MAX: variants seen among roughly 807,000 people sequenced by gnomAD.
MAX encodes MYC associated transcriptional regulator X.
Under a neutral mutation model 22.3 loss-of-function variants are expected in MAX, and 3 were observed. The ratio of observed to expected loss-of-function variants is 0.13; its 90% CI spans 0.06 to 0.35. The LOEUF (loss-of-function observed/expected upper bound fraction) is 0.35, where lower values mean the gene tolerates loss of function less well. Among genes scored for constraint, MAX ranks in the 10% least tolerant of loss-of-function variants. The pLI, the probability that MAX is intolerant of heterozygous loss-of-function variation, is 1.00. For synonymous variants in MAX, 72 were observed against 77.7 expected (o/e 0.93, Z 0.39); for missense variants, 119 against 209.4 (o/e 0.57, Z 2.66).
chr14:65,008,845 A>C (rs1054441805), intron 3 of MAX, among the ~76,000 whole-genome samples: 2 of 152,190 alleles, frequency 1.3e-5, no homozygotes, highest in African/African-American at 4.8e-5. Context: ...TACCCAGTAC[A>C]CATAGATGTG....
intron 3 of MAX, among the ~76,000 whole-genome samples, chr14:65,018,727 T>G (rs1418454339): frequency 2.7e-5 from 4 of 150,450 alleles, no homozygotes; most frequent in Non-Finnish European, 5.9e-5. Flanking sequence ...GGAGAATTGC[T>G]TGAATCTGGG....
rs1001824104 is a variant in MAX at position 65,054,719 on chromosome 14, T to C, written c.171+38989A>G. On this transcript the variant is annotated intron_variant, in intron 3 of 3. Transcript: ENST00000341653. The surrounding 1 kb of genome is among the most constrained non-coding windows in gnomAD (Gnocchi z 4.4). ...GACGGGTGCAGGGCTTCACACCCCT[T>C]CTCCACAGGGACCTCGCGGACAGAA... 31 of 1,580,226 alleles carry C rather than the reference T, an allele frequency of 2.0e-5. No individual in the cohort carries two copies. Among genetic ancestry groups the C allele is most frequent in the Non-Finnish European group, 2.7e-5 (31 of 1,161,612 alleles).
intron 3 of MAX, among the ~76,000 whole-genome samples, chr14:65,066,988 C>T (rs1028667720): frequency 4.0e-5 from 6 of 148,702 alleles, no homozygotes; most frequent in African/African-American, 1.2e-4. Flanking sequence ...CCAGCCTGAG[C>T]GACATAGCCA....
intron 3 of MAX, among the ~76,000 whole-genome samples, chr14:65,055,715 C>T (rs2062721229): frequency 6.6e-6 from 1 of 152,082 alleles, no homozygotes; most frequent in East Asian, 1.9e-4. Flanking sequence ...CAGGGTTTCC[C>T]CATGTTGGCC....
chr14:65,039,258 G>A (rs1014726493), intron 3 of MAX, among the ~76,000 whole-genome samples: 1 of 152,202 alleles, frequency 6.6e-6, no homozygotes, highest in African/African-American at 2.4e-5. Flanking sequence ...CCTGCTTGGG[G>A]TATGAAACTG....
chr14:65,048,607 C>T (rs1017597621), intron 3 of MAX, among the ~76,000 whole-genome samples: 1 of 152,184 alleles, frequency 6.6e-6, no homozygotes, highest in Non-Finnish European at 1.5e-5. Flanking sequence ...AATCCCAGCA[C>T]TTTGGGAGGC....
chr14:65,075,661 C>T lies in MAX; in HGVS notation c.*815G>A. 9.4e-7 allele frequency: 1 copy of T among 1,066,488 alleles called. No individual in the cohort carries two copies. The highest frequency in any genetic ancestry group is 1.6e-5 in the African/African-American group (1 of 61,224). The allele number at this position is 1,066,488 out of a possible 1,614,324, so 66.1% of individuals were successfully genotyped here. The stretch of plus-strand genomic sequence containing the variant: ...CAGGAAATAAATATCAAAACATCAT[C>T]ACTGGCCCTCAATACAAAACCTCTA... On this transcript the variant is annotated 3_prime_UTR_variant, in exon 5 of 5. Transcript: ENST00000358664. The surrounding 1 kb of genome is among the most constrained non-coding windows in gnomAD (Gnocchi z 4.1).
intron 3 of MAX, among the ~76,000 whole-genome samples, chr14:65,017,534 T>C (rs2061800243): frequency 6.6e-6 from 1 of 152,150 alleles, no homozygotes; most frequent in Non-Finnish European, 1.5e-5. Context: ...GTGAAGGCTT[T>C]TCTGAGGAAG....
Position 65,102,320 on chromosome 14 carries a change from A to G in MAX, c.20T>C (p.Ile7Thr). The change falls in exon 1 of 5, where the codon ATC (isoleucine) becomes ACC (threonine). Residue 7 changes from isoleucine to threonine, a missense_variant. Around this residue, in one of 3 missense-constraint regions of MAX, gnomAD observed 24 missense variants for 42.7 expected, o/e 0.56. Coordinates refer to ENST00000358664, the MANE Select transcript of MAX (RefSeq NM_002382.5). Reference protein sequence around the residue: MSDNDDIEVESDEEQPR... With the variant: MSDNDDTEVESDEEQPR... ...AGGACTCACGTCGCTCTCCACCTCG[A>G]TGTCATCGTTATCGCTCATTTCCTA... 6.2e-7 allele frequency: 1 copy of G among 1,613,760 alleles called. No homozygotes were observed. The highest frequency in any genetic ancestry group is 8.5e-7 in the Non-Finnish European group (1 of 1,179,772).
chr14:65,011,729 G>A lies in MAX; in HGVS notation c.172-5445C>T, dbSNP rs1402294475. 6.6e-6 allele frequency among the ~76,000 whole-genome samples: 1 copy of A among 152,222 alleles called. No individual in the cohort carries two copies. Among genetic ancestry groups the A allele is most frequent in the East Asian group, 1.9e-4 (1 of 5,194 alleles). On this transcript the variant is annotated intron_variant, in intron 3 of 3. Coordinates refer to the MAX transcript ENST00000341653. This position sits in a 1 kb window ranked among gnomAD's most constrained non-coding sequence, Gnocchi z 4.0. Reference sequence around the variant, plus strand: ...ATCTTAAAGCCAGTATTGCTGACTTGAAAGCCAAGGACAGCGACTGGCTGC... The same window carrying A: ...ATCTTAAAGCCAGTATTGCTGACTTAAAAGCCAAGGACAGCGACTGGCTGC...
Position 65,062,343 on chromosome 14 carries a change from T to C in MAX, c.171+31365A>G, listed in dbSNP as rs2062880438. 6.6e-6 allele frequency: 1 copy of C among 152,366 alleles called. No homozygotes were observed. Among genetic ancestry groups the C allele is most frequent in the Non-Finnish European group, 1.5e-5 (1 of 68,060 alleles). The allele number at this position is 152,366 out of a possible 1,614,324, so 9.4% of individuals were successfully genotyped here. A position where few individuals can be genotyped will look rare whatever the true frequency, so the allele number is the denominator to read the frequency against. On this transcript the variant is annotated intron_variant, in intron 3 of 3. Transcript: ENST00000341653. This position sits in a 1 kb window ranked among gnomAD's most constrained non-coding sequence, Gnocchi z 4.3. ...ATCAAGTGCTAGACACACTGGCTGC[T>C]ACTAAGGCACTAGCCTCTGTAGCTG...
Position 65,075,854 on chromosome 14 carries a change from G to A in MAX, c.*622C>T, listed in dbSNP as rs2063043896. Reference sequence around the variant, plus strand: ...GCTGAGAGAAGCAGGAGTGAAACATGCCAGCGACTCTGTGCTGCGAATCTG... The same window carrying A: ...GCTGAGAGAAGCAGGAGTGAAACATACCAGCGACTCTGTGCTGCGAATCTG... On this transcript the variant is annotated 3_prime_UTR_variant, in exon 5 of 5. Coordinates refer to ENST00000358664, the MANE Select transcript of MAX (RefSeq NM_002382.5). The surrounding 1 kb of genome is among the most constrained non-coding windows in gnomAD (Gnocchi z 4.1). 5 of 1,066,462 alleles carry A rather than the reference G, an allele frequency of 4.7e-6. No homozygotes were observed. Among genetic ancestry groups the A allele is most frequent in the East Asian group, 5.0e-5 (1 of 20,082 alleles). 66.1% of individuals were successfully genotyped at this position (1,066,462 alleles called of 1,614,324 possible).
chr14:65,028,038 A>C lies in MAX; in HGVS notation c.172-21754T>G, dbSNP rs1432076030. The stretch of plus-strand genomic sequence containing the variant: ...CTTTTGTTTTAGAAATTAAAAATAC[A>C]TTTGTTTGGTACAAAATGATATACC... On this transcript the variant is annotated intron_variant, in intron 3 of 3. Coordinates refer to the MAX transcript ENST00000341653. The surrounding 1 kb of genome is among the most constrained non-coding windows in gnomAD (Gnocchi z 4.4). 1.3e-5 allele frequency among the ~76,000 whole-genome samples: 2 copies of C among 152,216 alleles called. No homozygotes were observed. Among genetic ancestry groups the C allele is most frequent in the Non-Finnish European group, 2.9e-5 (2 of 68,042 alleles).
In MAX at chr14:65,023,455, C is replaced by T. The variant is rs551288131; in HGVS notation, c.172-17171G>A. 4.6e-5 allele frequency among the ~76,000 whole-genome samples: 7 copies of T among 152,318 alleles called. No homozygotes were observed. In the East Asian group the frequency reaches 7.7e-4, roughly 17 times the overall value. On this transcript the variant is annotated intron_variant, in intron 3 of 3. Transcript: ENST00000341653. The surrounding 1 kb of genome is among the most constrained non-coding windows in gnomAD (Gnocchi z 4.1). ...CAATCGCTGATATCCCTGCTTTGAACTTGACCCTCTTACAAGATTTACATA... is the reference window on the plus strand; with the variant it reads ...CAATCGCTGATATCCCTGCTTTGAATTTGACCCTCTTACAAGATTTACATA...
Position 65,012,244 on chromosome 14 carries a change from G to A in MAX, c.172-5960C>T. Reference sequence around the variant, plus strand: ...AAGCTGAGTGTTTACCCGTGTGTGTGTACGTGCACATACGTGTGTATGGTG... The same window carrying A: ...AAGCTGAGTGTTTACCCGTGTGTGTATACGTGCACATACGTGTGTATGGTG... On this transcript the variant is annotated intron_variant, in intron 3 of 3. Transcript: ENST00000341653. This position sits in a 1 kb window ranked among gnomAD's most constrained non-coding sequence, Gnocchi z 5.0. 6.3e-7 allele frequency: 1 copy of A among 1,577,960 alleles called. No individual in the cohort carries two copies. The highest frequency in any genetic ancestry group is 8.7e-7 in the Non-Finnish European group (1 of 1,148,722).
intron 2 of MAX, among the ~76,000 whole-genome samples, chr14:65,099,669 T>C (rs1055850645): frequency 2.6e-5 from 4 of 151,786 alleles, no homozygotes; most frequent in African/African-American, 9.7e-5. Flanking sequence ...GATCAAGCCC[T>C]AGCACAGATT....
chr14:65,021,587 C>T (rs190797377), intron 3 of MAX, among the ~76,000 whole-genome samples: 9 of 152,200 alleles, frequency 5.9e-5, no homozygotes, highest in African/African-American at 2.2e-4. Context: ...CAGGACGGTC[C>T]CTGCACCAAA....
At chr14:65,102,520 A>T, upstream of MAX, 1 of 1,459,972 alleles carries the variant, frequency 6.8e-7, no homozygotes, top group Non-Finnish European at 9.0e-7. Context: ...TCCTCACTGC[A>T]GCACCGGATC....
rs773658781 is a variant in MAX, at chr14:65,078,746, T to G, written c.172-710A>C. On this transcript the variant is annotated intron_variant, in intron 3 of 4. Coordinates refer to ENST00000358664, the MANE Select transcript of MAX (RefSeq NM_002382.5). This position sits in a 1 kb window ranked among gnomAD's most constrained non-coding sequence, Gnocchi z 6.4. ...GGTTTCACCATGTTGGCCAGACTGG[T>G]CTCAAACTCCTCACCTCAGGTGATC... 6.6e-6 allele frequency among the ~76,000 whole-genome samples: 1 copy of G among 152,064 alleles called. No individual in the cohort carries two copies.
Sources: gnomAD v4.1 joint callset for allele counts (sites outside exome capture counted in the v4.1 genomes callset) on GRCh38, gnomAD v4.1.1 for gene constraint, gnomAD v4.1.1 regional missense constraint, Gnocchi (gnomAD v3.1) non-coding constraint, MANE v1.5 for transcripts, NCBI Gene and HGNC (gene_info 2026-07-23, HGNC 2026-07-21) for gene names.